The following MORN1 variants were observed in gnomAD, a reference collection of about 807,000 sequenced individuals.
The protein encoded by MORN1 is MORN repeat-containing protein 1.
Under a neutral mutation model 61.9 loss-of-function variants are expected in MORN1, and 67 were observed. That is an observed-to-expected ratio of 1.08 (90% CI 0.89 to 1.33). The LOEUF (loss-of-function observed/expected upper bound fraction) is 1.33. Among genes scored for constraint, MORN1 ranks in the 40% most tolerant of loss-of-function variants. MORN1 has a pLI of 0.00. For missense variants in MORN1, 752 were observed against 691.2 expected (o/e 1.09, Z -0.99); for synonymous variants, 301 against 292.0 (o/e 1.03, Z -0.31).
At chr1:2,351,194 G>A (rs1332484240) in intron 10 of MORN1, 1 of 152,486 alleles carries the variant, frequency 6.6e-6, no homozygotes, top group African/African-American at 2.4e-5. Context: ...CAGCTGCCCA[G>A]GGTGGCCGGG....
chr1:2,382,094 C>T (rs1642384536), intron 6 of MORN1, among the ~76,000 whole-genome samples: 1 of 152,188 alleles, frequency 6.6e-6, no homozygotes, highest in Non-Finnish European at 1.5e-5. Context: ...CCTCTGGGGA[C>T]AGGGCTAGGC....
intron 12 of MORN1, chr1:2,332,289 G>A: frequency 3.6e-6 from 1 of 274,088 alleles, no homozygotes; most frequent in Non-Finnish European, 7.2e-6. Context: ...ACACAGATGT[G>A]GCTGTTCTGA....
chr1:2,333,814 C>T (rs1283736164), intron 12 of MORN1, among the ~76,000 whole-genome samples: 7 of 152,218 alleles, frequency 4.6e-5, no homozygotes, highest in South Asian at 2.1e-4. Context: ...CACTCGGCCA[C>T]GACACAGCGA....
chr1:2,358,611 T>C lies in MORN1; in HGVS notation c.850A>G (p.Thr284Ala). ...ACTCACAATGGGGTCTGGATGAGTG[T>C]CTCTTGGTTGTCTCTGTCCACTTTG... ...FFKVDRDNQE[T>A]LIQTPFGFEC... Residue 284 changes from threonine to alanine, a missense_variant, in exon 9 of 14, where the codon ACA (threonine) becomes GCA (alanine). Physicochemically the swap from Thr to Ala is moderately conservative, Grantham distance 58 (BLOSUM62 0). Transcript: ENST00000378531. 1.9e-6 allele frequency: 3 copies of C among 1,614,052 alleles called. No individual in the cohort carries two copies. The highest frequency in any genetic ancestry group is 3.3e-5 in the Admixed American group (2 of 60,022).
chr1:2,379,129 A>T, intron 6 of MORN1: 1 of 471,198 alleles, frequency 2.1e-6, no homozygotes, highest in Non-Finnish European at 4.4e-6. Context: ...GAGGGAGAAC[A>T]GGTCTCCCGG....
At chr1:2,352,176 G>A (rs1042680622) in intron 10 of MORN1, 1 of 258,946 alleles carries the variant, frequency 3.9e-6, no homozygotes, top group South Asian at 6.0e-5. Flanking sequence ...AATAATAAAT[G>A]TATAGAGCAA....
chr1:2,380,121 G>C (rs576090329), intron 6 of MORN1, among the ~76,000 whole-genome samples: 1 of 152,180 alleles, frequency 6.6e-6, no homozygotes, highest in African/African-American at 2.4e-5. Context: ...ACACCGCGCC[G>C]GGTGAAACAA....
At chr1:2,330,214 G>A (rs971859796) in intron 12 of MORN1, among the ~76,000 whole-genome samples, 1 of 152,178 alleles carries the variant, frequency 6.6e-6, no homozygotes, top group Non-Finnish European at 1.5e-5. Context: ...CAGGACTCAC[G>A]CTCAGAGAAC....
intron 6 of MORN1, among the ~76,000 whole-genome samples, chr1:2,384,132 T>C (rs763522329): frequency 6.6e-6 from 1 of 152,232 alleles, no homozygotes; most frequent in Non-Finnish European, 1.5e-5. Context: ...AGTGATTTTT[T>C]CATTACATTT....
intron 12 of MORN1, among the ~76,000 whole-genome samples, chr1:2,333,245 C>G (rs994887282): frequency 6.6e-6 from 1 of 152,226 alleles, no homozygotes; most frequent in South Asian, 2.1e-4. Flanking sequence ...GGGCTGGCCC[C>G]GCTGCAACAG....
intron 10 of MORN1, among the ~76,000 whole-genome samples, chr1:2,338,348 G>A (rs1641325077): frequency 6.6e-6 from 1 of 152,260 alleles, no homozygotes; most frequent in African/African-American, 2.4e-5. Context: ...TTGCTGGCCC[G>A]GCACTATTTA....
intron 7 of MORN1, among the ~76,000 whole-genome samples, chr1:2,373,716 C>T (rs1282136183): frequency 6.6e-6 from 1 of 152,190 alleles, no homozygotes; most frequent in Non-Finnish European, 1.5e-5. Context: ...CCCCAGGCAC[C>T]TGGCCACTCC....
chr1:2,379,137 C>G, intron 6 of MORN1: 1 of 471,164 alleles, frequency 2.1e-6, no homozygotes, highest in Non-Finnish European at 4.4e-6. Context: ...ACAGGTCTCC[C>G]GGAGGGGCCT....
At chr1:2,385,396 G>C in intron 5 of MORN1, 1 of 443,200 alleles carries the variant, frequency 2.3e-6, no homozygotes, top group Non-Finnish European at 4.1e-6. Flanking sequence ...TCCGCCGTGG[G>C]AATTTCCACA....
intron 10 of MORN1, chr1:2,351,453 C>G (rs1485032920): frequency 1.2e-5 from 2 of 165,918 alleles, no homozygotes. Flanking sequence ...GGTTGGTGCA[C>G]TTGCGGGGGC....
chr1:2,365,367 T>C (rs1287626440), intron 8 of MORN1, among the ~76,000 whole-genome samples: 1 of 140,818 alleles, frequency 7.1e-6, no homozygotes. Flanking sequence ...TTGTCTGTTA[T>C]TGGTGTATAA....
rs1399249433 is a variant in MORN1, at chr1:2,384,909, AC to A, written c.537+68del. 11 of 1,355,808 alleles carry A rather than the reference AC, an allele frequency of 8.1e-6. No individual in the cohort carries two copies. In the African/African-American group the frequency reaches 1.5e-4, roughly 18 times the overall value. 84.0% of individuals were successfully genotyped at this position (1,355,808 alleles called of 1,614,324 possible). ...GCTGCCAGGGTGAGGCTCCCCATAC[AC>A]CCCACGCGCCCTGCCCACCACGAGG... On this transcript the variant is annotated intron_variant, in intron 6 of 13. Transcript: ENST00000378531.
In MORN1 at chr1:2,391,361, C is replaced by T. The variant is rs1472916683; in HGVS notation, c.76+97G>A. ...GCCGCGGCACCTGGACCTCTACTTTCCGAGGTGAGCATTTGGGGGTCGAGG... is the reference window on the plus strand; with the variant it reads ...GCCGCGGCACCTGGACCTCTACTTTTCGAGGTGAGCATTTGGGGGTCGAGG... On this transcript the variant is annotated intron_variant, in intron 1 of 13. Transcript: ENST00000378531. 2.5e-6 allele frequency: 3 copies of T among 1,221,160 alleles called. No homozygotes were observed. The African/African-American group carries it at 4.7e-5, about 19-fold the overall frequency. 75.6% of individuals were successfully genotyped at this position (1,221,160 alleles called of 1,614,324 possible).
At chr1:2,341,429 C>T (rs1641391721) in intron 10 of MORN1, among the ~76,000 whole-genome samples, 1 of 152,202 alleles carries the variant, frequency 6.6e-6, no homozygotes, top group Non-Finnish European at 1.5e-5. Context: ...GGCGTGGTGG[C>T]TCATGCCTGT....
Sources: allele counts gnomAD v4.1 joint callset (sites outside exome capture counted in the v4.1 genomes callset), GRCh38; gene constraint gnomAD v4.1.1; transcripts MANE v1.5; gene names NCBI Gene and HGNC (gene_info 2026-07-23, HGNC 2026-07-21).